The following FRMD4A variants were observed in gnomAD, a reference collection of about 807,000 sequenced individuals.
FRMD4A encodes FERM domain-containing protein 4A.
In FRMD4A, 29 loss-of-function variants were observed where a neutral mutation model predicts 129.1. That is an observed-to-expected ratio of 0.22 (90% CI 0.17 to 0.31). FRMD4A has a LOEUF of 0.31. FRMD4A is among the 10% of genes least tolerant of loss of function. The probability of loss-of-function intolerance (pLI) is 1.00; values close to 1 mark genes in which losing one functional copy is unlikely to be tolerated. For synonymous variants in FRMD4A, 634 were observed against 571.6 expected (o/e 1.11, Z -1.56); for missense variants, 1,272 against 1,375.8 (o/e 0.92, Z 1.19).
intron 2 of FRMD4A, among the ~76,000 whole-genome samples, chr10:14,058,253 C>A (rs1046017164): frequency 2.6e-5 from 4 of 152,170 alleles, no homozygotes; most frequent in African/African-American, 9.7e-5. Context: ...CCATAAAATT[C>A]ATTTAGGGTC....
chr10:13,878,222 C>CAAA lies in FRMD4A; in HGVS notation c.46-19313_46-19311dup, dbSNP rs34559071. On this transcript the variant is annotated intron_variant, in intron 2 of 24. Coordinates refer to ENST00000357447, the MANE Select transcript of FRMD4A (RefSeq NM_018027.5). Reference sequence around the variant, plus strand: ...TAATTACTGTGTTGACTACTTGTAGCAAAAAAAAAAAAAAAAAAAAAGCTG... The same window carrying CAAA: ...TAATTACTGTGTTGACTACTTGTAGCAAAAAAAAAAAAAAAAAAAAAAAAGCTG... Among the ~76,000 whole-genome samples the CAAA allele has an allele frequency of 8.7e-3, 790 of 91,176 alleles. 16 individuals are homozygous for CAAA. Among genetic ancestry groups the CAAA allele is most frequent in the African/African-American group, 0.029 (721 of 24,640 alleles). 59.8% of individuals were successfully genotyped at this position (91,176 alleles called of 152,430 possible).
chr10:13,933,640 C>G (rs2095222591), intron 2 of FRMD4A, among the ~76,000 whole-genome samples: 1 of 152,196 alleles, frequency 6.6e-6, no homozygotes, highest in Non-Finnish European at 1.5e-5. Context: ...ATGTGTTTTA[C>G]AGTCAGTTTC....
intron 2 of FRMD4A, among the ~76,000 whole-genome samples, chr10:14,017,085 G>A (rs1341289675): frequency 1.3e-5 from 2 of 152,228 alleles, no homozygotes; most frequent in African/African-American, 4.8e-5. Context: ...GCCAAATCAG[G>A]TCATCAGTGG....
Position 13,898,143 on chromosome 10 carries a change from TG to T in FRMD4A, c.46-39232del, listed in dbSNP as rs1034134658. On this transcript the variant is annotated intron_variant, in intron 2 of 24. Transcript: ENST00000357447. ...ATCCCAGCACTTTGGGAGGCCAAGG[TG>T]GACGGATCACCTGAGGTCAGGAGTT... Among the ~76,000 whole-genome samples, 29 of 151,102 alleles carry T rather than the reference TG, an allele frequency of 1.9e-4. 1 individual carries two copies. The highest frequency in any genetic ancestry group is 5.6e-4 in the African/African-American group (23 of 41,106).
intron 11 of FRMD4A, among the ~76,000 whole-genome samples, chr10:13,739,879 C>T (rs753782707): frequency 3.9e-5 from 6 of 152,252 alleles, no homozygotes; most frequent in Non-Finnish European, 8.8e-5. Flanking sequence ...GCAGGCAGAT[C>T]ACCTGAGGTC....
At chr10:14,113,964 G>T (rs1838065079) in intron 2 of FRMD4A, among the ~76,000 whole-genome samples, 1 of 152,198 alleles carries the variant, frequency 6.6e-6, no homozygotes, top group Non-Finnish European at 1.5e-5. Flanking sequence ...CTATCGCCAA[G>T]GATGCGAGAG....
At chr10:13,873,870 A>G (rs931887868) in intron 2 of FRMD4A, among the ~76,000 whole-genome samples, 3 of 152,132 alleles carry the variant, frequency 2.0e-5, no homozygotes, top group African/African-American at 4.8e-5. Flanking sequence ...TAAAACAAGG[A>G]AAGTCTAAGG....
At chr10:13,907,570 AGGGTT>A (rs2131215391) in intron 2 of FRMD4A, among the ~76,000 whole-genome samples, 1 of 152,278 alleles carries the variant, frequency 6.6e-6, no homozygotes, top group African/African-American at 2.4e-5. Flanking sequence ...TTATTTGTTG[AGGGTT>A]CAAGGCTTGT....
intron 2 of FRMD4A, among the ~76,000 whole-genome samples, chr10:14,086,032 T>A (rs1196489561): frequency 3.9e-5 from 6 of 152,224 alleles, no homozygotes; most frequent in Non-Finnish European, 8.8e-5. Flanking sequence ...CACTGTTTCC[T>A]ATCTAAAGGC....
intron 2 of FRMD4A, among the ~76,000 whole-genome samples, chr10:14,279,095 C>T (rs558606688): frequency 2.0e-4 from 31 of 151,876 alleles, no homozygotes; most frequent in African/African-American, 7.2e-4. Context: ...ACCTGATGGC[C>T]TTGATTCATG....
intron 2 of FRMD4A, among the ~76,000 whole-genome samples, chr10:14,132,236 C>T (rs1447939708): frequency 6.6e-6 from 1 of 151,966 alleles, no homozygotes; most frequent in Non-Finnish European, 1.5e-5. Context: ...TGCAGTGAGC[C>T]GAGATCATGC....
chr10:14,239,697 T>C (rs1169177153), intron 2 of FRMD4A, among the ~76,000 whole-genome samples: 1 of 151,888 alleles, frequency 6.6e-6, no homozygotes, highest in Non-Finnish European at 1.5e-5. Flanking sequence ...AGGTTTCTAC[T>C]GATCTAAAAT....
chr10:14,024,972 C>G (rs1227267214), intron 2 of FRMD4A, among the ~76,000 whole-genome samples: 1 of 152,242 alleles, frequency 6.6e-6, no homozygotes, highest in Non-Finnish European at 1.5e-5. Flanking sequence ...GTGACCAATG[C>G]TAGGGCAATT....
Position 13,657,194 on chromosome 10 carries a change from C to A in FRMD4A, c.2395G>T (p.Gly799Cys). The change falls in exon 22 of 25, where the codon GGC becomes TGC. Residue 799 changes from glycine (G) to cysteine (C), a missense_variant. Physicochemically the swap from Gly to Cys is radical, Grantham distance 159 (BLOSUM62 -3). Around this residue, in one of 2 missense-constraint regions of FRMD4A, gnomAD observed 972 missense variants for 892.3 expected, o/e 1.09. Coordinates refer to ENST00000357447, the MANE Select transcript of FRMD4A (RefSeq NM_018027.5). ...AAGALGSASSGSMPNLAARGG... is the reference protein window; with the variant it reads ...AAGALGSASSCSMPNLAARGG... ...CGCGCCGCCAGGTTGGGCATGCTGC[C>A]CGAGCTGGCTGAGCCCAGTGCGCCC... The A allele has an allele frequency of 6.6e-7, 1 of 1,523,290 alleles. No individual in the cohort carries two copies. Among genetic ancestry groups the A allele is most frequent in the Non-Finnish European group, 8.8e-7 (1 of 1,142,034 alleles). 94.4% of individuals were successfully genotyped at this position (1,523,290 alleles called of 1,614,324 possible). A position where few individuals can be genotyped will look rare whatever the true frequency, so the allele number is the denominator to read the frequency against.
rs547670801 is a variant in FRMD4A, at chr10:14,125,028, C to A, written c.45+205030G>T. Among the ~76,000 whole-genome samples the A allele has an allele frequency of 2.6e-5, 4 of 152,286 alleles. No homozygotes were observed. The South Asian group carries it at 6.2e-4, about 24-fold the overall frequency. On this transcript the variant is annotated intron_variant, in intron 2 of 24. Transcript: ENST00000357447. Reference sequence around the variant, plus strand: ...TCAGTGCATGAAGCCCTGTGTAGTGCTGTTTTCTAGCTTCCCCTTTACAAA... The same window carrying A: ...TCAGTGCATGAAGCCCTGTGTAGTGATGTTTTCTAGCTTCCCCTTTACAAA...
intron 17 of FRMD4A, among the ~76,000 whole-genome samples, chr10:13,667,151 A>G (rs917874359): frequency 2.1e-4 from 32 of 152,184 alleles, no homozygotes; most frequent in African/African-American, 7.7e-4. Flanking sequence ...ACCTCAGACT[A>G]TCCTTCTGCC....
chr10:14,056,928 C>T (rs1304536462), intron 2 of FRMD4A, among the ~76,000 whole-genome samples: 1 of 152,130 alleles, frequency 6.6e-6, no homozygotes, highest in Admixed American at 6.5e-5. Flanking sequence ...CTGGCATCTC[C>T]CCAATTAACA....
intron 12 of FRMD4A, among the ~76,000 whole-genome samples, chr10:13,711,229 C>G (rs73583638): frequency 0.012 from 1,779 of 152,320 alleles, 43 homozygotes; most frequent in African/African-American, 0.04. Context: ...TTCATGGGGT[C>G]TGGGGCATTT....
chr10:13,716,886 T>G (rs542716701), intron 12 of FRMD4A, among the ~76,000 whole-genome samples: 1 of 152,346 alleles, frequency 6.6e-6, no homozygotes, highest in Admixed American at 6.5e-5. Context: ...GCAGAAAGAC[T>G]TCACCATAAA....
Sources: allele counts gnomAD v4.1 joint callset (sites outside exome capture counted in the v4.1 genomes callset), GRCh38; gene constraint gnomAD v4.1.1; regional missense constraint gnomAD v4.1.1; transcripts MANE v1.5; gene names NCBI Gene and HGNC (gene_info 2026-07-23, HGNC 2026-07-21).